Variants in SPPL3 observed in about 807,000 individuals in gnomAD.
The protein encoded by SPPL3 is signal peptide peptidase like 3.
Under a neutral mutation model 42.4 loss-of-function variants are expected in SPPL3, and 5 were observed. That is an observed-to-expected ratio of 0.12 (90% CI 0.06 to 0.25). The LOEUF is 0.25. Ranked by LOEUF, SPPL3 falls within the 10% of genes least tolerant of loss-of-function variation. The pLI is 1.00. For synonymous variants in SPPL3, 195 were observed against 181.8 expected (o/e 1.07, Z -0.58); for missense variants, 235 against 489.0 (o/e 0.48, Z 4.90).
chr12:120,898,637 A>T (rs1873883564), intron 1 of SPPL3, among the ~76,000 whole-genome samples: 1 of 152,080 alleles, frequency 6.6e-6, no homozygotes, highest in Non-Finnish European at 1.5e-5. Context: ...AAAGAGGCTA[A>T]TACAGGAACT....
intron 1 of SPPL3, among the ~76,000 whole-genome samples, chr12:120,879,677 C>T (rs1010551504): frequency 6.6e-6 from 1 of 152,020 alleles, no homozygotes; most frequent in Non-Finnish European, 1.5e-5. Context: ...CCATTAATTG[C>T]AGAGTCAAAA....
chr12:120,844,103 T>C (rs1871935036), intron 1 of SPPL3, among the ~76,000 whole-genome samples: 1 of 152,234 alleles, frequency 6.6e-6, no homozygotes, highest in African/African-American at 2.4e-5. Context: ...TATCTCCAAT[T>C]GGCTAATAGG....
intron 1 of SPPL3, among the ~76,000 whole-genome samples, chr12:120,888,806 ATATCT>A (rs1466422358): frequency 1.3e-5 from 2 of 152,166 alleles, no homozygotes; most frequent in South Asian, 4.2e-4. Context: ...TATGTGAATT[ATATCT>A]TATATTTTAT....
intron 1 of SPPL3, among the ~76,000 whole-genome samples, chr12:120,884,246 G>A (rs748584960): frequency 6.6e-6 from 1 of 152,158 alleles, no homozygotes; most frequent in African/African-American, 2.4e-5. Context: ...TACAAAGGGG[G>A]CTTCCAGAAC....
chr12:120,776,523 A>G (rs931954122), intron 6 of SPPL3, among the ~76,000 whole-genome samples: 16 of 152,120 alleles, frequency 1.1e-4, no homozygotes, highest in Non-Finnish European at 1.8e-4. Flanking sequence ...GACTTGCTCT[A>G]AAGTGTATGT....
chr12:120,835,574 G>A (rs1034001486), intron 1 of SPPL3: 2 of 152,146 alleles, frequency 1.3e-5, no homozygotes, highest in Non-Finnish European at 2.9e-5. Context: ...TGTTTTACTG[G>A]TTTCATTTCC....
chr12:120,832,089 A>G (rs1161065841), intron 1 of SPPL3, among the ~76,000 whole-genome samples: 1 of 152,222 alleles, frequency 6.6e-6, no homozygotes, highest in Non-Finnish European at 1.5e-5. Flanking sequence ...GCTTAGTTTT[A>G]TCGAGCTTTT....
At position 120,833,766 on chromosome 12, in the gene SPPL3, AGTGTGTGTGTGTGTGT is replaced by A. The variant is rs71076664; in HGVS notation, c.24-22896_24-22881del. Among the ~76,000 whole-genome samples the A allele has an allele frequency of 6.9e-3, 1,011 of 146,664 alleles. 8 individuals carry two copies. The highest frequency in any genetic ancestry group is 0.021 in the African/African-American group (838 of 39,270). ...AGAAAAAAGAGTTGTTGAGTTTTAA[AGTGTGTGTGTGTGTGT>A]GTGTGTGTGTGTGTGTGTGTGTGTG... is the stretch of plus-strand genomic sequence containing the variant. On this transcript the variant is annotated intron_variant, in intron 1 of 10. Coordinates refer to ENST00000353487, the MANE Select transcript of SPPL3 (RefSeq NM_139015.5).
chr12:120,860,558 A>C (rs1007165475), intron 1 of SPPL3, among the ~76,000 whole-genome samples: 2 of 152,214 alleles, frequency 1.3e-5, no homozygotes, highest in Non-Finnish European at 2.9e-5. Flanking sequence ...ACCTCATTAT[A>C]GCAATTTGGT....
chr12:120,859,008 T>C (rs2137040568), intron 1 of SPPL3, among the ~76,000 whole-genome samples: 1 of 152,338 alleles, frequency 6.6e-6, no homozygotes, highest in African/African-American at 2.4e-5. Flanking sequence ...GAGATGGTTA[T>C]GTTTTCAATT....
chr12:120,785,009 C>T (rs1381364074), intron 3 of SPPL3, among the ~76,000 whole-genome samples: 1 of 152,182 alleles, frequency 6.6e-6, no homozygotes, highest in Non-Finnish European at 1.5e-5. Context: ...GTTTAAGGTA[C>T]TCATTTTCAC....
intron 6 of SPPL3, among the ~76,000 whole-genome samples, chr12:120,778,998 A>G (rs1473353309): frequency 6.6e-6 from 1 of 152,190 alleles, no homozygotes; most frequent in African/African-American, 2.4e-5. Context: ...AATCCAAACA[A>G]TTACTTAAGC....
At chr12:120,856,355 A>T (rs1290941295) in intron 1 of SPPL3, among the ~76,000 whole-genome samples, 3 of 152,014 alleles carry the variant, frequency 2.0e-5, no homozygotes, top group Non-Finnish European at 2.9e-5. Context: ...TGTCTCGGAA[A>T]TGTTGCAGTT....
intron 1 of SPPL3, among the ~76,000 whole-genome samples, chr12:120,838,702 T>C (rs1357767478): frequency 1.3e-5 from 2 of 152,330 alleles, no homozygotes; most frequent in South Asian, 2.1e-4. Flanking sequence ...AAGGTACCTA[T>C]TGGTATCTAA....
chr12:120,780,091 C>CTT (rs1313860963), intron 6 of SPPL3, among the ~76,000 whole-genome samples: 1 of 151,074 alleles, frequency 6.6e-6, no homozygotes, highest in Non-Finnish European at 1.5e-5. Flanking sequence ...TCAGTACATG[C>CTT]TTGTAATCCC....
chr12:120,783,486 C>T (rs1183599094), intron 5 of SPPL3, among the ~76,000 whole-genome samples, 188 bp downstream of exon 5: 1 of 152,186 alleles, frequency 6.6e-6, no homozygotes, highest in Non-Finnish European at 1.5e-5. Flanking sequence ...TGTATTTCCT[C>T]TGACATGAGA....
intron 1 of SPPL3, among the ~76,000 whole-genome samples, chr12:120,855,707 GAA>G (rs1872432440): frequency 7.4e-6 from 1 of 135,308 alleles, no homozygotes. Context: ...AAAAAAAAAA[GAA>G]AAGAAAAGAA....
intron 1 of SPPL3, among the ~76,000 whole-genome samples, chr12:120,861,290 G>C (rs1225156835): frequency 1.3e-5 from 2 of 152,142 alleles, no homozygotes; most frequent in African/African-American, 2.4e-5. Context: ...TACAAAAACA[G>C]GTTGTAGGTC....
intron 1 of SPPL3, among the ~76,000 whole-genome samples, chr12:120,817,826 T>A (rs1870931914): frequency 6.6e-6 from 1 of 152,174 alleles, no homozygotes. Context: ...AAAGGGCCCC[T>A]CCTGTATCAT....
Sources: gnomAD v4.1 joint callset for allele counts (sites outside exome capture counted in the v4.1 genomes callset) on GRCh38, gnomAD v4.1.1 for gene constraint, MANE v1.5 for transcripts, NCBI Gene and HGNC (gene_info 2026-07-23, HGNC 2026-07-21) for gene names.